Variants in SYNCRIP observed in about 807,000 individuals in gnomAD.
SYNCRIP encodes heterogeneous nuclear ribonucleoprotein Q.
In SYNCRIP, 9 loss-of-function variants were observed where a neutral mutation model predicts 68.9. That is an observed-to-expected ratio of 0.13 (90% CI 0.08 to 0.23). The LOEUF is 0.23. Ranked by LOEUF, SYNCRIP falls within the 10% of genes least tolerant of loss-of-function variation. The pLI, the probability that SYNCRIP is intolerant of heterozygous loss-of-function variation, is 1.00. For synonymous variants in SYNCRIP, 258 were observed against 254.0 expected (o/e 1.02, Z -0.15); for missense variants, 414 against 770.6 (o/e 0.54, Z 5.48).
At chr6:85,637,887 C>T (rs2758848) in intron 4 of SYNCRIP, among the ~76,000 whole-genome samples, 81,585 of 151,986 alleles carry the variant, frequency 0.54, 23,309 homozygotes, top group African/African-American at 0.74. Flanking sequence ...TTGACATTTA[C>T]GTGCCATATT....
chr6:85,622,941 C>A (rs1806583582), intron 7 of SYNCRIP, among the ~76,000 whole-genome samples: 2 of 152,244 alleles, frequency 1.3e-5, no homozygotes, highest in Admixed American at 6.5e-5. Flanking sequence ...CTTTTGTTTT[C>A]ACTAATTAGA....
intron 8 of SYNCRIP, among the ~76,000 whole-genome samples, chr6:85,621,071 C>T (rs1278498000): frequency 6.6e-6 from 1 of 152,176 alleles, no homozygotes; most frequent in African/African-American, 2.4e-5. Flanking sequence ...AAAATTTAAC[C>T]TCTTCACTAA....
At chr6:85,633,521 G>A (rs1808075007) in intron 6 of SYNCRIP, among the ~76,000 whole-genome samples, 1 of 151,856 alleles carries the variant, frequency 6.6e-6, no homozygotes, top group African/African-American at 2.4e-5. Context: ...AACCCAGAAG[G>A]CAGAGGTTGC....
At chr6:85,633,414 A>T (rs1239613005) in intron 6 of SYNCRIP, among the ~76,000 whole-genome samples, 1 of 152,062 alleles carries the variant, frequency 6.6e-6, no homozygotes, top group Non-Finnish European at 1.5e-5. Flanking sequence ...AACAGGGTGA[A>T]ACCCCATCTC....
At chr6:85,623,579 A>AAAAAAAAAAAAAAAAAAAAAAAAAC (rs1554184894) in intron 7 of SYNCRIP, among the ~76,000 whole-genome samples, 5 of 125,866 alleles carry the variant, frequency 4.0e-5, no homozygotes, top group East Asian at 2.8e-4. Flanking sequence ...AAAAAAAAAA[A>AAAAAAAAAAAAAAAAAAAAAAAAAC]AAAACACTCT....
Position 85,640,317 on chromosome 6 carries a change from G to A in SYNCRIP, c.279C>T (p.Ala93=), listed in dbSNP as rs1808977404. The stretch of plus-strand genomic sequence containing the variant: ...AAGTCTTCATGACTCCACATAAAAA[G>A]GCACTTTTGTTCTGCAAAAAAATGT... ...SDLSHVQNKS[A]FLCGVMKTYR... The change falls in exon 4 of 11, where the codon GCC becomes GCT. Residue 93 remains alanine (A), a synonymous_variant. Coordinates refer to ENST00000369622, the MANE Select transcript of SYNCRIP (RefSeq NM_006372.5). 4.3e-6 allele frequency: 7 copies of A among 1,613,214 alleles called. No individual in the cohort carries two copies. The highest frequency in any genetic ancestry group is 1.3e-5 in the African/African-American group (1 of 74,974).
At chr6:85,625,080 AT>A (rs1806884350) in intron 6 of SYNCRIP, among the ~76,000 whole-genome samples, 1 of 152,224 alleles carries the variant, frequency 6.6e-6, no homozygotes, top group African/African-American at 2.4e-5. Flanking sequence ...TACACCGGGT[AT>A]AACAGAAGAA....
intron 10 of SYNCRIP, 145 bp from the exon 11 acceptor site, chr6:85,615,492 A>AG: frequency 1.9e-6 from 1 of 521,296 alleles, no homozygotes; most frequent in South Asian, 4.7e-5. Context: ...TACTAGATTA[A>AG]GTTTTAGTAG....
chr6:85,622,719 G>C (rs766023414), intron 7 of SYNCRIP, 32 bp from the exon 8 acceptor site: 10 of 1,558,334 alleles, frequency 6.4e-6, no homozygotes. Context: ...AGGAAAATTA[G>C]ATGAAATAAC....
At chr6:85,619,479 C>T in intron 8 of SYNCRIP, 62 bp from the exon 9 acceptor site, 1 of 1,430,320 alleles carries the variant, frequency 7.0e-7, no homozygotes, top group East Asian at 2.4e-5. Context: ...AAGATACCAC[C>T]ACCCCACCCT....
intron 8 of SYNCRIP, among the ~76,000 whole-genome samples, chr6:85,620,564 T>A (rs1333181474): frequency 6.6e-6 from 1 of 152,324 alleles, no homozygotes; most frequent in Non-Finnish European, 1.5e-5. Context: ...CTATTCTGTA[T>A]AATACTATGA....
chr6:85,638,746 T>C (rs1562113054), intron 4 of SYNCRIP, among the ~76,000 whole-genome samples: 1 of 152,234 alleles, frequency 6.6e-6, no homozygotes, highest in Non-Finnish European at 1.5e-5. Context: ...CATCTTTCCA[T>C]TTTCTCACAT....
At chr6:85,622,306 T>C (rs1389396776) in intron 8 of SYNCRIP, among the ~76,000 whole-genome samples, 176 bp downstream of exon 8, 1 of 151,730 alleles carries the variant, frequency 6.6e-6, no homozygotes, top group African/African-American at 2.4e-5. Context: ...GAGGCGGAGG[T>C]TGCAGTGAAC....
intron 8 of SYNCRIP, among the ~76,000 whole-genome samples, chr6:85,621,623 AAAAG>A (rs1275653156): frequency 6.6e-6 from 1 of 151,726 alleles, no homozygotes; most frequent in African/African-American, 2.4e-5. Context: ...AAAAAAAAAA[AAAAG>A]AGAACAAAGG....
intron 10 of SYNCRIP, among the ~76,000 whole-genome samples, chr6:85,616,427 G>A (rs2128279577): frequency 6.6e-6 from 1 of 152,278 alleles, no homozygotes; most frequent in African/African-American, 2.4e-5. Flanking sequence ...CTGGGTTCAA[G>A]TGATTCTCCT....
chr6:85,608,463 G>C (rs893112147), exon 12 of SYNCRIP: 7 of 151,926 alleles, frequency 4.6e-5, no homozygotes, highest in African/African-American at 7.2e-5. Flanking sequence ...CTCCAAACAA[G>C]CACAAACCCA....
chr6:85,623,562 C>CCAAAAAAAAAAAAAAAAAAAAAAAAAA (rs572909849), intron 7 of SYNCRIP, among the ~76,000 whole-genome samples: 1 of 63,240 alleles, frequency 1.6e-5, no homozygotes, highest in East Asian at 5.8e-4. Flanking sequence ...AGACTGTCTC[C>CCAAAAAAAAAAAAAAAAAAAAAAAAAA]AAAAAAAAAA....
Position 85,641,366 on chromosome 6 carries a change from T to C in SYNCRIP, c.74A>G (p.Glu25Gly), listed in dbSNP as rs781763039. 7 of 1,612,996 alleles carry C rather than the reference T, an allele frequency of 4.3e-6. No homozygotes were observed. In the South Asian group the frequency reaches 5.5e-5, roughly 13 times the overall value. ...MDTTSAVIHS[E>G]NFQTLLDAGL... ...AGCATCAAGCAATGTCTGAAAATTT[T>C]CTGAATGGATAACTGCAGAAGTAGT... is the stretch of plus-strand genomic sequence containing the variant. Residue 25 changes from glutamate to glycine, a missense_variant, in exon 2 of 11, where the codon GAA becomes GGA. Coordinates refer to ENST00000369622, the MANE Select transcript of SYNCRIP (RefSeq NM_006372.5).
chr6:85,614,580 C>A lies in SYNCRIP; in HGVS notation c.*176G>T. ...TATTGAAAAAAATTAAAAATAAAAT[C>A]AGTTCGCCAGAAGCAGTTAGAAGTG... is the stretch of plus-strand genomic sequence containing the variant. On this transcript the variant is annotated 3_prime_UTR_variant, in exon 11 of 11. Transcript: ENST00000369622. 1 of 1,284,012 alleles carries A rather than the reference C, an allele frequency of 7.8e-7. No homozygotes were observed. The highest frequency in any genetic ancestry group is 9.8e-7 in the Non-Finnish European group (1 of 1,017,766). 79.5% of individuals were successfully genotyped at this position (1,284,012 alleles called of 1,614,324 possible). A position where few individuals can be genotyped will look rare whatever the true frequency, so the allele number is the denominator to read the frequency against.
Sources: allele counts gnomAD v4.1 joint callset (sites outside exome capture counted in the v4.1 genomes callset), GRCh38; gene constraint gnomAD v4.1.1; transcripts MANE v1.5; gene names NCBI Gene and HGNC (gene_info 2026-07-23, HGNC 2026-07-21).